The following RGPD3 variants were observed in gnomAD, a reference collection of about 807,000 sequenced individuals.
RGPD3 encodes the protein RANBP2 like and GRIP domain containing 3.
In RGPD3, 62 loss-of-function variants were observed where a neutral mutation model predicts 154.5. The ratio of observed to expected loss-of-function variants is 0.40; its 90% CI spans 0.33 to 0.50. RGPD3 has a LOEUF of 0.50. RGPD3 is among the 20% of genes least tolerant of loss of function. The probability of loss-of-function intolerance (pLI) is 0.59; values close to 1 mark genes in which losing one functional copy is unlikely to be tolerated. For missense variants in RGPD3, 919 were observed against 1,716.8 expected, an observed-to-expected ratio of 0.54 and a Z score of 8.21; for synonymous variants, 308 against 607.0, an observed-to-expected ratio of 0.51 and a Z score of 7.24.
chr2:106,426,858 C>A (rs1677213551), intron 18 of RGPD3, among the ~76,000 whole-genome samples: 1 of 152,240 alleles, frequency 6.6e-6, no homozygotes, highest in African/African-American at 2.4e-5. Flanking sequence ...CTCTGGAAAG[C>A]ACTGAAAAAT....
chr2:106,450,238 A>G (rs1678070809), intron 6 of RGPD3, among the ~76,000 whole-genome samples: 1 of 82,320 alleles, frequency 1.2e-5, no homozygotes, highest in African/African-American at 4.0e-5. Flanking sequence ...AAATTAGCCG[A>G]GCGTGGTGGT....
Position 106,424,124 on chromosome 2 carries a change from AT to A in RGPD3, c.3842del (p.Asn1281IlefsTer20). ...TTGTTGACTCATCAAAGTGGAAAAG[AT>A]TTTTTCTCACAGGGCTACTTGCCAA... ...SPLASSPVRK[N>X]LFHFDESTTG... On this transcript the variant is annotated frameshift_variant, in exon 20 of 23. Transcript: ENST00000409886. LOFTEE classifies it high-confidence loss of function. 1 of 1,588,122 alleles carries A rather than the reference AT, an allele frequency of 6.3e-7. No individual in the cohort carries two copies. Among genetic ancestry groups the A allele is most frequent in the Non-Finnish European group, 8.6e-7 (1 of 1,163,044 alleles).
At chr2:106,457,196 T>G in intron 3 of RGPD3, 73 bp from the exon 4 acceptor site, 1 of 1,530,634 alleles carries the variant, frequency 6.5e-7, no homozygotes, top group East Asian at 2.5e-5. Context: ...TATACTTATA[T>G]ACTTATATAT....
intron 6 of RGPD3, among the ~76,000 whole-genome samples, chr2:106,451,434 T>C (rs1165148409): frequency 7.0e-6 from 1 of 143,464 alleles, no homozygotes; most frequent in Non-Finnish European, 1.5e-5. Context: ...ATCAGTAAAC[T>C]TTTTCTACAA....
Position 106,468,347 on chromosome 2 carries a change from G to A in RGPD3, c.-59C>T. On this transcript the variant is annotated 5_prime_UTR_variant, in exon 1 of 23. Transcript: ENST00000409886. ...ACCAGCGCTCAGCCCCGCAGCAGTC[G>A]CCAATTCCAAGAGGAAAGCGCCTGA... is the stretch of plus-strand genomic sequence containing the variant. 6.4e-7 allele frequency: 1 copy of A among 1,558,528 alleles called. No individual in the cohort carries two copies. The highest frequency in any genetic ancestry group is 8.7e-7 in the Non-Finnish European group (1 of 1,152,250).
chr2:106,424,123 G>T lies in RGPD3; in HGVS notation c.3844C>A (p.Leu1282Ile). 1.9e-6 allele frequency: 3 copies of T among 1,585,314 alleles called. No individual in the cohort carries two copies. The highest frequency in any genetic ancestry group is 2.6e-6 in the Non-Finnish European group (3 of 1,160,738). The change falls in exon 20 of 23, where the codon CTT (leucine) becomes ATT (isoleucine). Residue 1282 changes from leucine to isoleucine, a missense_variant. Physicochemically the swap from Leu to Ile is conservative, Grantham distance 5. Transcript: ENST00000409886. ...GTTGTTGACTCATCAAAGTGGAAAAGATTTTTTCTCACAGGGCTACTTGCC... is the reference window on the plus strand; with the variant it reads ...GTTGTTGACTCATCAAAGTGGAAAATATTTTTTCTCACAGGGCTACTTGCC... ...PLASSPVRKN[L>I]FHFDESTTGS...
chr2:106,410,587 T>C (rs1274476465), intron 22 of RGPD3, among the ~76,000 whole-genome samples: 5 of 152,180 alleles, frequency 3.3e-5, no homozygotes, highest in African/African-American at 7.2e-5. Flanking sequence ...CATTGTTGTA[T>C]TGAAAACTAT....
At chr2:106,418,853 A>C (rs1676894818) in intron 20 of RGPD3, among the ~76,000 whole-genome samples, 2 of 150,756 alleles carry the variant, frequency 1.3e-5, no homozygotes, top group African/African-American at 4.9e-5. Context: ...CAGGGGTGAG[A>C]CACCACGCCT....
intron 7 of RGPD3, among the ~76,000 whole-genome samples, chr2:106,444,645 C>T (rs1395156276): frequency 4.3e-5 from 6 of 139,016 alleles, no homozygotes; most frequent in African/African-American, 1.4e-4. Context: ...GGAAACATAG[C>T]AAGACCTTGT....
chr2:106,446,528 C>A (rs981009810), intron 7 of RGPD3, among the ~76,000 whole-genome samples: 1 of 113,846 alleles, frequency 8.8e-6, no homozygotes, highest in Non-Finnish European at 1.8e-5. Flanking sequence ...CAAGATCGTG[C>A]CACTGCACTC....
chr2:106,426,188 A>G, intron 18 of RGPD3, 100 bp from the exon 19 acceptor site: 3 of 1,429,856 alleles, frequency 2.1e-6, no homozygotes, highest in Non-Finnish European at 2.8e-6. Flanking sequence ...ATAGAAATTA[A>G]AGAAAGATTT....
chr2:106,416,047 C>G (rs1326843344), intron 20 of RGPD3, 58 bp from the exon 21 acceptor site: 11 of 1,583,322 alleles, frequency 6.9e-6, no homozygotes, highest in East Asian at 6.7e-5. Flanking sequence ...GATGAAGATT[C>G]TAAATAAGAA....
chr2:106,410,530 CT>C (rs1676637168), intron 22 of RGPD3, among the ~76,000 whole-genome samples: 1 of 152,126 alleles, frequency 6.6e-6, no homozygotes, highest in Admixed American at 6.5e-5. Flanking sequence ...ACATGCTGAG[CT>C]TTTAAAAGAG....
intron 21 of RGPD3, among the ~76,000 whole-genome samples, 171 bp downstream of exon 21, chr2:106,415,679 A>G (rs1355572792): frequency 2.5e-4 from 34 of 136,414 alleles, no homozygotes; most frequent in Non-Finnish European, 4.3e-4. Flanking sequence ...TGTCTCAAAA[A>G]AAAAAAAAAA....
chr2:106,405,381 T>G (rs1248960246), intron 22 of RGPD3, among the ~76,000 whole-genome samples, 152 bp from the exon 23 acceptor site: 3 of 146,150 alleles, frequency 2.1e-5, no homozygotes, highest in Admixed American at 6.8e-5. Flanking sequence ...GGTTCTTTTT[T>G]TTTTTTTTTT....
Position 106,413,853 on chromosome 2 carries a change from C to T in RGPD3, c.5065-568G>A, listed in dbSNP as rs1391292704. ...GTTGAAAGCTGGGGAACTGATGGAA[C>T]GTCTCCATGAGGAGCAACTAACTGG... On this transcript the variant is annotated intron_variant, in intron 21 of 22. Coordinates refer to ENST00000409886, the MANE Select transcript of RGPD3 (RefSeq NM_001144013.2). Among the ~76,000 whole-genome samples, 7 of 152,226 alleles carry T rather than the reference C, an allele frequency of 4.6e-5. No homozygotes were observed. The South Asian group carries it at 6.2e-4, about 14-fold the overall frequency.
upstream of RGPD3, among the ~76,000 whole-genome samples, chr2:106,468,797 C>G (rs1678732984): frequency 1.2e-5 from 1 of 86,868 alleles, no homozygotes; most frequent in African/African-American, 4.7e-5. Flanking sequence ...CAGGGCAAGA[C>G]TCCATCTCAA....
intron 9 of RGPD3, among the ~76,000 whole-genome samples, chr2:106,437,648 T>C (rs1677604548): frequency 1.3e-5 from 2 of 152,246 alleles, no homozygotes; most frequent in Non-Finnish European, 2.9e-5. Flanking sequence ...TGTTTATAGG[T>C]ATCTCTATGG....
chr2:106,425,116 C>T lies in RGPD3; in HGVS notation c.2851G>A (p.Asp951Asn), dbSNP rs753658071. The change falls in exon 20 of 23, where the codon GAT (aspartate) becomes AAT (asparagine). Residue 951 changes from aspartate (D) to asparagine (N), a missense_variant. Asp to Asn is a conservative substitution (Grantham distance 23). Coordinates refer to ENST00000409886, the MANE Select transcript of RGPD3 (RefSeq NM_001144013.2). ...LENDTGLQAQ[D>N]ISGRKKGRGV... ...CGGCCCTTCTTCCGGCCACTAATAT[C>T]CTGAGCCTGTAAGCCAGTATCATTT... 3 of 1,611,874 alleles carry T rather than the reference C, an allele frequency of 1.9e-6. No homozygotes were observed. The African/African-American group carries it at 4.0e-5, about 22-fold the overall frequency.
Sources: gnomAD v4.1 joint callset for allele counts (sites outside exome capture counted in the v4.1 genomes callset) on GRCh38, gnomAD v4.1.1 for gene constraint, MANE v1.5 for transcripts, NCBI Gene and HGNC (gene_info 2026-07-23, HGNC 2026-07-21) for gene names.